Variants in KIAA1328 observed in about 807,000 individuals in gnomAD.
KIAA1328 encodes KIAA1328, also known as protein hinderin.
In KIAA1328, 52 loss-of-function variants were observed where a neutral mutation model predicts 68.1. The ratio of observed to expected loss-of-function variants is 0.76; its 90% CI spans 0.61 to 0.96. The LOEUF is 0.96. Among genes scored for constraint, KIAA1328 ranks in the 40% least tolerant of loss-of-function variants. The pLI is 0.00. For missense variants in KIAA1328, 641 were observed against 677.6 expected (o/e 0.95, Z 0.60); for synonymous variants, 232 against 239.4 (o/e 0.97, Z 0.28).
intron 7 of KIAA1328, among the ~76,000 whole-genome samples, chr18:37,153,010 A>G (rs1034934740): frequency 3.9e-5 from 6 of 152,296 alleles, no homozygotes; most frequent in Non-Finnish European, 7.4e-5. Flanking sequence ...CCACATGTAC[A>G]GTAAAGGAAC....
At chr18:36,926,917 G>A (rs568348484) in intron 5 of KIAA1328, among the ~76,000 whole-genome samples, 1 of 152,296 alleles carries the variant, frequency 6.6e-6, no homozygotes, top group Admixed American at 6.5e-5. Context: ...TACAGTCATG[G>A]CAGAAGGTGA....
intron 7 of KIAA1328, among the ~76,000 whole-genome samples, chr18:37,155,359 G>A (rs1476292555): frequency 2.6e-5 from 4 of 152,092 alleles, no homozygotes; most frequent in Non-Finnish European, 5.9e-5. Context: ...TGTTCCATAA[G>A]CATCTCAAGC....
At chr18:37,211,985 C>T (rs1480472630) in intron 9 of KIAA1328, among the ~76,000 whole-genome samples, 2 of 152,186 alleles carry the variant, frequency 1.3e-5, no homozygotes, top group African/African-American at 2.4e-5. Flanking sequence ...GTATCCCCCC[C>T]TAGCTATTTT....
intron 1 of KIAA1328, among the ~76,000 whole-genome samples, chr18:36,832,054 C>G (rs1406849012): frequency 6.6e-6 from 1 of 152,102 alleles, no homozygotes; most frequent in African/African-American, 2.4e-5. Context: ...AGTAGGCCCA[C>G]TATACATTTG....
chr18:37,188,671 C>T (rs1256314052), intron 9 of KIAA1328, among the ~76,000 whole-genome samples: 3 of 152,162 alleles, frequency 2.0e-5, no homozygotes, highest in Non-Finnish European at 2.9e-5. Flanking sequence ...AAGTTTATGC[C>T]TCACCACAGT....
chr18:37,218,552 C>A (rs189468353), intron 9 of KIAA1328, among the ~76,000 whole-genome samples: 39 of 152,184 alleles, frequency 2.6e-4, no homozygotes, highest in Admixed American at 2.3e-3. Context: ...TTAGGCGTTA[C>A]ACATTCATTT....
chr18:37,127,277 A>G (rs1031487380), intron 7 of KIAA1328, among the ~76,000 whole-genome samples: 1 of 152,228 alleles, frequency 6.6e-6, no homozygotes, highest in African/African-American at 2.4e-5. Flanking sequence ...GTCCTGGCAA[A>G]GGGCAATTAG....
intron 7 of KIAA1328, among the ~76,000 whole-genome samples, chr18:37,156,953 C>G (rs2059165867): frequency 6.6e-6 from 1 of 152,088 alleles, no homozygotes; most frequent in Non-Finnish European, 1.5e-5. Flanking sequence ...AGGACAGGGA[C>G]AGACTTTTGC....
intron 5 of KIAA1328, among the ~76,000 whole-genome samples, chr18:36,898,404 A>G (rs1598641265): frequency 6.6e-6 from 1 of 151,956 alleles, no homozygotes; most frequent in Non-Finnish European, 1.5e-5. Flanking sequence ...TCAGCTAGGA[A>G]TTGCTAAAGA....
At chr18:36,844,501 A>G (rs910821892) in intron 4 of KIAA1328, among the ~76,000 whole-genome samples, 199 bp downstream of exon 4, 1 of 151,990 alleles carries the variant, frequency 6.6e-6, no homozygotes, top group East Asian at 1.9e-4. Flanking sequence ...CTACTTTCCA[A>G]TTTACATTTT....
At chr18:37,060,066 G>T (rs572309220) in intron 6 of KIAA1328, among the ~76,000 whole-genome samples, 1 of 152,150 alleles carries the variant, frequency 6.6e-6, no homozygotes. Flanking sequence ...TAGATGATGG[G>T]TTGATGGGTG....
chr18:37,104,254 A>G lies in KIAA1328; in HGVS notation c.1232+36709A>G, dbSNP rs74994643. On this transcript the variant is annotated intron_variant, in intron 7 of 9. Coordinates refer to ENST00000280020, the MANE Select transcript of KIAA1328 (RefSeq NM_020776.3). ...TAGCACTATTCACAATGACCAAGAT[A>G]TGGAATCAACCTGTGTCCATCATCA... is the stretch of plus-strand genomic sequence containing the variant. Among the ~76,000 whole-genome samples the G allele has an allele frequency of 1.6e-4, 24 of 152,342 alleles. No individual in the cohort carries two copies. In the East Asian group the frequency reaches 4.6e-3, roughly 29 times the overall value.
intron 6 of KIAA1328, among the ~76,000 whole-genome samples, chr18:36,963,367 G>T (rs574678484): frequency 5.3e-5 from 8 of 152,272 alleles, no homozygotes; most frequent in African/African-American, 1.9e-4. Context: ...AAAACGGAAG[G>T]CCAATCCATT....
chr18:37,197,427 T>TA (rs1238105920), intron 9 of KIAA1328, among the ~76,000 whole-genome samples: 1 of 152,066 alleles, frequency 6.6e-6, no homozygotes, highest in African/African-American at 2.4e-5. Flanking sequence ...AAAGCAAGAA[T>TA]AAAAAAATCC....
intron 7 of KIAA1328, among the ~76,000 whole-genome samples, chr18:37,101,537 C>T (rs1240654460): frequency 1.3e-5 from 2 of 152,192 alleles, no homozygotes; most frequent in Admixed American, 1.3e-4. Flanking sequence ...AAATCTACAT[C>T]TGATTGGTGT....
chr18:36,868,653 T>C (rs1440439219), intron 4 of KIAA1328, among the ~76,000 whole-genome samples: 1 of 152,184 alleles, frequency 6.6e-6, no homozygotes, highest in Admixed American at 6.5e-5. Context: ...ATTGCAATTT[T>C]TGATGTATAT....
chr18:36,989,926 C>T (rs1166826231), intron 6 of KIAA1328, among the ~76,000 whole-genome samples: 1 of 152,140 alleles, frequency 6.6e-6, no homozygotes, highest in Non-Finnish European at 1.5e-5. Context: ...ATCTCCTGAC[C>T]TTGGGATCCG....
At chr18:36,870,233 G>T (rs1264904872) in intron 4 of KIAA1328, among the ~76,000 whole-genome samples, 1 of 152,090 alleles carries the variant, frequency 6.6e-6, no homozygotes, top group Non-Finnish European at 1.5e-5. Context: ...TTTGCTCTGT[G>T]ATCTGATGTT....
chr18:37,142,077 G>A (rs1257639463), intron 7 of KIAA1328, among the ~76,000 whole-genome samples: 2 of 152,148 alleles, frequency 1.3e-5, no homozygotes, highest in Middle Eastern at 3.2e-3. Context: ...ATATTCTGTT[G>A]TGTTTTGCTA....
Sources: gnomAD v4.1 joint callset for allele counts (sites outside exome capture counted in the v4.1 genomes callset) on GRCh38, gnomAD v4.1.1 for gene constraint, MANE v1.5 for transcripts, NCBI Gene and HGNC (gene_info 2026-07-23, HGNC 2026-07-21) for gene names.